The following UNC80 variants were observed in gnomAD, a reference collection of about 807,000 sequenced individuals.
UNC80 encodes unc-80 subunit of NALCN channel complex, also known as protein unc-80 homolog.
In UNC80, 164 loss-of-function variants were observed where a neutral mutation model predicts 384.6. The observed-to-expected ratio is 0.43, with a 90% CI of 0.38 to 0.49. The LOEUF is 0.49. UNC80 is among the 20% of genes least tolerant of loss of function. The pLI is 0.00. For missense variants in UNC80, 3,330 were observed against 4,143.0 expected, an observed-to-expected ratio of 0.80 and a Z score of 5.39; for synonymous variants, 1,486 against 1,527.8, an observed-to-expected ratio of 0.97 and a Z score of 0.64.
At chr2:209,875,803 T>G (rs958523364) in intron 23 of UNC80, among the ~76,000 whole-genome samples, 4 of 152,184 alleles carry the variant, frequency 2.6e-5, no homozygotes, top group Admixed American at 2.0e-4. Flanking sequence ...TTTGTCAAAG[T>G]CTACAAACTT....
In UNC80 at chr2:209,999,233, AAAG is replaced by A. The variant is rs1286922338; in HGVS notation, c.*3640_*3642del. 1 of 152,190 alleles carries A rather than the reference AAAG, an allele frequency of 6.6e-6. No homozygotes were observed. Among genetic ancestry groups the A allele is most frequent in the East Asian group, 1.9e-4 (1 of 5,204 alleles). 9.4% of individuals were successfully genotyped at this position (152,190 alleles called of 1,614,324 possible). ...GAAATGTTTATGAAAGATATTTATG[AAAG>A]ATATTAAGACTTCTGTGTTTAGGTA... is the stretch of plus-strand genomic sequence containing the variant. On this transcript the variant is annotated 3_prime_UTR_variant, in exon 65 of 65. Coordinates refer to ENST00000673920, the MANE Select transcript of UNC80 (RefSeq NM_001371986.1).
intron 26 of UNC80, among the ~76,000 whole-genome samples, chr2:209,890,820 T>A (rs2086259785): frequency 6.6e-6 from 1 of 152,226 alleles, no homozygotes; most frequent in Non-Finnish European, 1.5e-5. Flanking sequence ...GGTTTTTAAA[T>A]ATACATAATA....
chr2:209,792,440 C>T (rs909530113), intron 6 of UNC80, among the ~76,000 whole-genome samples: 5 of 152,178 alleles, frequency 3.3e-5, no homozygotes, highest in Admixed American at 2.0e-4. Flanking sequence ...CTCCGCCTCC[C>T]GGGTTCATGC....
chr2:209,998,173 G>A lies in UNC80; in HGVS notation c.*2578G>A, dbSNP rs1341132963. 6.6e-6 allele frequency: 1 copy of A among 152,178 alleles called. No homozygotes were observed. Among genetic ancestry groups the A allele is most frequent in the African/African-American group, 2.4e-5 (1 of 41,454 alleles). 9.4% of individuals were successfully genotyped at this position (152,178 alleles called of 1,614,324 possible). ...AAAAATTAGACTCAGCAAAGAGGTT[G>A]CTTCTTCTGAAATTAGCTTTTGAGA... On this transcript the variant is annotated 3_prime_UTR_variant, in exon 65 of 65. Transcript: ENST00000673920.
At chr2:209,955,738 T>TATATACAC (rs1437539911) in intron 48 of UNC80, among the ~76,000 whole-genome samples, 37 of 53,518 alleles carry the variant, frequency 6.9e-4, no homozygotes, top group Non-Finnish European at 9.9e-4. Context: ...TATATATATA[T>TATATACAC]ACACACACAC....
intron 7 of UNC80, among the ~76,000 whole-genome samples, chr2:209,809,933 C>T (rs1458222766): frequency 6.6e-6 from 1 of 152,130 alleles, no homozygotes; most frequent in Middle Eastern, 3.2e-3. Context: ...GTTTGAGCTA[C>T]AGGACAAGAG....
chr2:209,957,679 A>C lies in UNC80; in HGVS notation c.7493A>C (p.Gln2498Pro), dbSNP rs2092462303. ...GCCCCACAGATGAGCAGGTGTGACC[A>C]AGGTCATAAGGGAACCACCACAGCC... ...MTAPQMSRCD[Q>P]GHKGTTTANH... Residue 2498 changes from glutamine to proline, a missense_variant, in exon 49 of 65, where the codon CAA becomes CCA. Gln to Pro is a moderately conservative substitution (Grantham distance 76, BLOSUM62 -1). This residue lies in a region of UNC80 where 1,049 missense variants were observed against 1,488.6 expected (regional missense o/e 0.70). Coordinates refer to ENST00000673920, the MANE Select transcript of UNC80 (RefSeq NM_001371986.1). 5.2e-6 allele frequency: 8 copies of C among 1,551,406 alleles called. No individual in the cohort carries two copies. The highest frequency in any genetic ancestry group is 1.4e-5 in the African/African-American group (1 of 72,996).
At chr2:209,801,335 G>A (rs1433336513) in intron 7 of UNC80, among the ~76,000 whole-genome samples, 1 of 144,810 alleles carries the variant, frequency 6.9e-6, no homozygotes, top group Non-Finnish European at 1.5e-5. Flanking sequence ...ATCTTTGCTG[G>A]TTTAAAGTCT....
chr2:209,781,573 C>T (rs2077157108), intron 4 of UNC80, among the ~76,000 whole-genome samples: 2 of 152,178 alleles, frequency 1.3e-5, no homozygotes, highest in South Asian at 2.1e-4. Flanking sequence ...ACACCACACC[C>T]TTCTGGTTCT....
rs71409845 is a variant in UNC80, at chr2:209,866,490, CCACACACACA to C, written c.3628-6233_3628-6224del. ...ACATTCCATAATACAAAATGCACCCCCACACACACACACACACACACACACACACACACAC... is the reference window on the plus strand; with the variant it reads ...ACATTCCATAATACAAAATGCACCCCCACACACACACACACACACACACAC... On this transcript the variant is annotated intron_variant, in intron 22 of 64. Coordinates refer to ENST00000673920, the MANE Select transcript of UNC80 (RefSeq NM_001371986.1). 3.7e-5 allele frequency among the ~76,000 whole-genome samples: 4 copies of C among 107,642 alleles called. No individual in the cohort carries two copies. In the East Asian group the frequency reaches 1.2e-3, roughly 31 times the overall value. 70.6% of individuals were successfully genotyped at this position (107,642 alleles called of 152,430 possible). A position where few individuals can be genotyped will look rare whatever the true frequency, so the allele number is the denominator to read the frequency against.
intron 47 of UNC80, among the ~76,000 whole-genome samples, chr2:209,950,094 A>C (rs986507915): frequency 6.6e-6 from 1 of 151,938 alleles, no homozygotes; most frequent in Non-Finnish European, 1.5e-5. Flanking sequence ...AGCCTCCCAA[A>C]GTGCTGGGAT....
intron 18 of UNC80, among the ~76,000 whole-genome samples, chr2:209,835,822 A>G (rs2081298013): frequency 6.6e-6 from 1 of 152,238 alleles, no homozygotes; most frequent in Admixed American, 6.5e-5. Flanking sequence ...CAAAGTGAGA[A>G]GCACACAGCT....
Position 209,978,682 on chromosome 2 carries a change from G to A in UNC80, c.9092G>A (p.Ser3031Asn). Reference protein sequence around the residue: ...PSQQASQDTLSRTDEEDEEND... With the variant: ...PSQQASQDTLNRTDEEDEEND... ...CAGCAGGCTTCGCAGGACACCCTGA[G>A]TCGGACTGATGAGGAAGATGAGGAA... is the stretch of plus-strand genomic sequence containing the variant. The change falls in exon 59 of 65, where the codon AGT becomes AAT. Residue 3031 changes from serine (S) to asparagine (N), a missense_variant. This residue lies in a region of UNC80 where 216 missense variants were observed against 245.3 expected (regional missense o/e 0.88). Coordinates refer to ENST00000673920, the MANE Select transcript of UNC80 (RefSeq NM_001371986.1). 6.5e-7 allele frequency: 1 copy of A among 1,547,216 alleles called. No homozygotes were observed.
At chr2:209,930,026 TA>T (rs2090726402) in intron 37 of UNC80, 55 bp downstream of exon 37, 1 of 1,259,900 alleles carries the variant, frequency 7.9e-7, no homozygotes, top group African/African-American at 1.5e-5. Flanking sequence ...TGAACACTGT[TA>T]AAATCATGCA....
chr2:209,792,793 T>G (rs1316408098), intron 6 of UNC80, among the ~76,000 whole-genome samples: 1 of 152,256 alleles, frequency 6.6e-6, no homozygotes, highest in East Asian at 1.9e-4. Flanking sequence ...TGTGGCTGTT[T>G]GTGGCTTGCA....
At chr2:209,827,925 T>C (rs1332618437) in intron 14 of UNC80, among the ~76,000 whole-genome samples, 1 of 152,174 alleles carries the variant, frequency 6.6e-6, no homozygotes, top group Non-Finnish European at 1.5e-5. Flanking sequence ...TCTCCAATTA[T>C]TGAAAAGGAA....
intron 29 of UNC80, among the ~76,000 whole-genome samples, chr2:209,905,238 A>C (rs1183952731): frequency 6.6e-6 from 1 of 152,200 alleles, no homozygotes; most frequent in African/African-American, 2.4e-5. Flanking sequence ...TTATTGTGTT[A>C]GGCAGAATAA....
intron 56 of UNC80, among the ~76,000 whole-genome samples, chr2:209,973,516 A>G (rs1031129347): frequency 1.3e-5 from 2 of 152,228 alleles, no homozygotes; most frequent in African/African-American, 4.8e-5. Flanking sequence ...GGTTTCCTTC[A>G]GTAAACATAT....
chr2:209,963,657 A>G (rs2092662967), intron 51 of UNC80, among the ~76,000 whole-genome samples: 1 of 152,162 alleles, frequency 6.6e-6, no homozygotes, highest in African/African-American at 2.4e-5. Context: ...TTTTCTGTAT[A>G]TCAAATTCAT....
Sources: allele counts gnomAD v4.1 joint callset (sites outside exome capture counted in the v4.1 genomes callset), GRCh38; gene constraint gnomAD v4.1.1; regional missense constraint gnomAD v4.1.1; transcripts MANE v1.5; gene names NCBI Gene and HGNC (gene_info 2026-07-23, HGNC 2026-07-21).